Variants in ZNF407 observed in about 807,000 individuals in gnomAD.
ZNF407 encodes the protein zinc finger protein 407.
ZNF407 carries 17 observed loss-of-function variants against 131.2 expected under a neutral mutation model. The ratio of observed to expected loss-of-function variants is 0.13; its 90% CI spans 0.09 to 0.19. ZNF407 has a LOEUF of 0.19. ZNF407 is among the 10% of genes least tolerant of loss of function. The probability of loss-of-function intolerance (pLI) is 1.00; values close to 1 mark genes in which losing one functional copy is unlikely to be tolerated. For synonymous variants in ZNF407, 1,156 were observed against 1,062.0 expected, an observed-to-expected ratio of 1.09 and a Z score of -1.72; for missense variants, 2,681 against 2,830.6, an observed-to-expected ratio of 0.95 and a Z score of 1.20.
intron 3 of ZNF407, among the ~76,000 whole-genome samples, chr18:74,659,546 G>A (rs1474734529): frequency 1.3e-5 from 2 of 152,076 alleles, no homozygotes; most frequent in Non-Finnish European, 2.9e-5. Context: ...ATGGTTACTG[G>A]AGCTATGGTC....
At chr18:74,688,242 C>T (rs1207336060) in intron 3 of ZNF407, among the ~76,000 whole-genome samples, 2 of 152,078 alleles carry the variant, frequency 1.3e-5, no homozygotes, top group African/African-American at 4.8e-5. Context: ...CTCAGTTACA[C>T]GTTGCAAGGT....
chr18:74,648,228 A>G (rs1230241615), intron 3 of ZNF407, among the ~76,000 whole-genome samples: 1 of 152,128 alleles, frequency 6.6e-6, no homozygotes, highest in Admixed American at 6.5e-5. Context: ...CAGCAAGTGG[A>G]AGTTAGGCAG....
intron 3 of ZNF407, among the ~76,000 whole-genome samples, chr18:74,681,737 A>G (rs143622805): frequency 1.3e-5 from 2 of 152,350 alleles, no homozygotes; most frequent in African/African-American, 4.8e-5. Flanking sequence ...TTTGTCAGAC[A>G]GGACTTGCTA....
At chr18:74,976,320 G>A (rs75860449) in intron 8 of ZNF407, among the ~76,000 whole-genome samples, 3,629 of 152,234 alleles carry the variant, frequency 0.024, 69 homozygotes, top group Middle Eastern at 0.12. Flanking sequence ...GTGTTTACAT[G>A]CCCCTTTTCC....
In ZNF407 at chr18:75,033,809, A is replaced by G. The variant is rs569859210; in HGVS notation, c.5429-29341A>G. Among the ~76,000 whole-genome samples, 8 of 152,250 alleles carry G rather than the reference A, an allele frequency of 5.3e-5. No individual in the cohort carries two copies. In the East Asian group the frequency reaches 7.7e-4, roughly 15 times the overall value. ...TTTCCTGTCTTCAGTTTTTCTGTCA[A>G]TGGCTTCCCGTGGGATATATCATCT... is the stretch of plus-strand genomic sequence containing the variant. On this transcript the variant is annotated intron_variant, in intron 8 of 8. Transcript: ENST00000299687.
At chr18:74,610,822 G>C (rs537018877) in intron 1 of ZNF407, among the ~76,000 whole-genome samples, 31 of 152,222 alleles carry the variant, frequency 2.0e-4, no homozygotes, top group Non-Finnish European at 4.0e-4. Context: ...CCGAAGTGCT[G>C]ATATTACAGG....
intron 3 of ZNF407, among the ~76,000 whole-genome samples, chr18:74,780,487 A>G (rs1043561865): frequency 6.6e-6 from 1 of 152,216 alleles, no homozygotes; most frequent in Non-Finnish European, 1.5e-5. Flanking sequence ...AATGCTAATT[A>G]AAATCATATT....
chr18:74,740,033 A>T (rs1448743768), intron 3 of ZNF407, among the ~76,000 whole-genome samples: 1 of 152,178 alleles, frequency 6.6e-6, no homozygotes, highest in African/African-American at 2.4e-5. Context: ...TCAAATGACC[A>T]CATATGGGGT....
intron 8 of ZNF407, among the ~76,000 whole-genome samples, chr18:75,047,052 AT>A (rs1404526988): frequency 6.6e-6 from 1 of 152,206 alleles, no homozygotes; most frequent in Non-Finnish European, 1.5e-5. Context: ...TGGGATTCTG[AT>A]TTGTTTATTT....
intron 4 of ZNF407, among the ~76,000 whole-genome samples, chr18:74,809,272 G>T (rs1484808955): frequency 6.6e-6 from 1 of 152,142 alleles, no homozygotes; most frequent in Non-Finnish European, 1.5e-5. Context: ...AATTGTTCGG[G>T]ATTCACAAGG....
intron 4 of ZNF407, among the ~76,000 whole-genome samples, chr18:74,840,690 T>C (rs987733465): frequency 6.6e-6 from 1 of 152,172 alleles, no homozygotes; most frequent in African/African-American, 2.4e-5. Flanking sequence ...TAGACTTTCC[T>C]GTCCCAGCTG....
Position 75,020,316 on chromosome 18 carries a change from A to ATGTG in ZNF407, c.5429-42812_5429-42809dup, listed in dbSNP as rs56845489. 1.1e-3 allele frequency among the ~76,000 whole-genome samples: 169 copies of ATGTG among 149,762 alleles called. 1 individual carries two copies. Among genetic ancestry groups the ATGTG allele is most frequent in the East Asian group, 7.8e-3 (39 of 5,028 alleles). On this transcript the variant is annotated intron_variant, in intron 8 of 8. Transcript: ENST00000299687. ...TATGTGTATATGTGTGTGTATGTGC[A>ATGTG]TGTGTGTGTGTGTGTGTGTGTGTGT...
chr18:74,709,162 T>C (rs953133387), intron 3 of ZNF407, among the ~76,000 whole-genome samples: 1 of 152,198 alleles, frequency 6.6e-6, no homozygotes, highest in African/African-American at 2.4e-5. Flanking sequence ...AAATAAAATA[T>C]CAAGTAAATT....
At chr18:74,876,223 C>T (rs1374031233) in intron 4 of ZNF407, among the ~76,000 whole-genome samples, 1 of 152,200 alleles carries the variant, frequency 6.6e-6, no homozygotes, top group Non-Finnish European at 1.5e-5. Context: ...GCCAACCCAG[C>T]TTGCCAGACA....
intron 8 of ZNF407, among the ~76,000 whole-genome samples, chr18:75,037,221 A>G (rs1973319074): frequency 1.3e-5 from 2 of 152,232 alleles, no homozygotes; most frequent in Admixed American, 1.3e-4. Flanking sequence ...ATATTGCCTC[A>G]TTTAGGTAAA....
In ZNF407 at chr18:74,703,886, G is replaced by A. The variant is rs1967559696; in HGVS notation, c.4802+62764G>A. On this transcript the variant is annotated intron_variant, in intron 3 of 8. Transcript: ENST00000299687. The surrounding 1 kb of genome is among the most constrained non-coding windows in gnomAD (Gnocchi z 4.1). The stretch of plus-strand genomic sequence containing the variant: ...GATATGAGGTGGTAAATGTCAATTT[G>A]TGCAATTTCTTTACATCATCAAAAT... Among the ~76,000 whole-genome samples, 1 of 152,080 alleles carries A rather than the reference G, an allele frequency of 6.6e-6. No homozygotes were observed. The highest frequency in any genetic ancestry group is 6.5e-5 in the Admixed American group (1 of 15,270).
intron 2 of ZNF407, among the ~76,000 whole-genome samples, chr18:74,638,103 T>A (rs1184247060): frequency 6.6e-6 from 1 of 152,244 alleles, no homozygotes; most frequent in African/African-American, 2.4e-5. Context: ...ATTCGTTTTA[T>A]GTTTAGAGTG....
chr18:75,015,478 G>A (rs1221003991), intron 8 of ZNF407, among the ~76,000 whole-genome samples: 1 of 148,894 alleles, frequency 6.7e-6, no homozygotes, highest in East Asian at 1.9e-4. Flanking sequence ...GTTGTCTAAA[G>A]AATTATATGA....
At chr18:74,947,551 G>A (rs1475108387) in intron 8 of ZNF407, among the ~76,000 whole-genome samples, 1 of 152,164 alleles carries the variant, frequency 6.6e-6, no homozygotes, top group East Asian at 1.9e-4. Context: ...GGCTGCAGCA[G>A]CAAAATGCAG....
Sources: gnomAD v4.1 joint callset for allele counts (sites outside exome capture counted in the v4.1 genomes callset) on GRCh38, gnomAD v4.1.1 for gene constraint, Gnocchi (gnomAD v3.1) non-coding constraint, MANE v1.5 for transcripts, NCBI Gene and HGNC (gene_info 2026-07-23, HGNC 2026-07-21) for gene names.